CELSR2: variants seen among roughly 807,000 people sequenced by gnomAD.
CELSR2 encodes the protein cadherin EGF LAG seven-pass G-type receptor 2.
In CELSR2, 81 loss-of-function variants were observed where a neutral mutation model predicts 251.6. The observed-to-expected ratio is 0.32, with a 90% CI of 0.27 to 0.39. The LOEUF is 0.39. Ranked by LOEUF, CELSR2 falls within the 10% of genes least tolerant of loss-of-function variation. CELSR2 has a pLI of 1.00. For synonymous variants in CELSR2, 1,721 were observed against 1,670.5 expected (o/e 1.03, Z -0.74); for missense variants, 3,365 against 3,947.7 (o/e 0.85, Z 3.96).
chr1:109,271,484 A>T lies in CELSR2; in HGVS notation c.7775A>T (p.Tyr2592Phe). 1.9e-6 allele frequency: 3 copies of T among 1,613,548 alleles called. No homozygotes were observed. Among genetic ancestry groups the T allele is most frequent in the Non-Finnish European group, 2.5e-6 (3 of 1,179,856 alleles). The part of the protein sequence containing the change: ...SVNSDTLLFH[Y>F]LFATCNCIQG... Reference sequence around the variant, plus strand: ...AACAGCGACACCCTCCTCTTCCACTACCTCTTTGCTACCTGCAATTGCATC... The same window carrying T: ...AACAGCGACACCCTCCTCTTCCACTTCCTCTTTGCTACCTGCAATTGCATC... Residue 2592 changes from tyrosine to phenylalanine, a missense_variant, in exon 27 of 34, where the codon TAC (tyrosine) becomes TTC (phenylalanine). This residue lies in a region of CELSR2 where 2,093 missense variants were observed against 2,382.8 expected (regional missense o/e 0.88). Coordinates refer to ENST00000271332, the MANE Select transcript of CELSR2 (RefSeq NM_001408.3).
intron 2 of CELSR2, among the ~76,000 whole-genome samples, chr1:109,260,567 C>T (rs921721530): frequency 2.0e-5 from 3 of 152,170 alleles, no homozygotes; most frequent in African/African-American, 7.2e-5. Context: ...GGGACAAAAG[C>T]ACCAGTGGGA....
rs1656055376 is a variant in CELSR2 at position 109,262,788 on chromosome 1, C to T, written c.4545-18C>T. 2 of 1,606,144 alleles carry T rather than the reference C, an allele frequency of 1.2e-6. No homozygotes were observed. The highest frequency in any genetic ancestry group is 3.3e-5 in the Admixed American group (2 of 59,862). On this transcript the variant is annotated intron_variant, in intron 6 of 33. Coordinates refer to ENST00000271332, the MANE Select transcript of CELSR2 (RefSeq NM_001408.3). Reference sequence around the variant, plus strand: ...CTCCCAGCCCTCCCTTGTGCCGCCACCATCTTTGCTCCCCCAGGTCTCTGG... The same window carrying T: ...CTCCCAGCCCTCCCTTGTGCCGCCATCATCTTTGCTCCCCCAGGTCTCTGG...
chr1:109,262,477 A>G lies in CELSR2; in HGVS notation c.4544+33A>G, dbSNP rs1233982544. The G allele has an allele frequency of 8.1e-6, 13 of 1,606,750 alleles. No homozygotes were observed. The East Asian group carries it at 1.6e-4, about 19-fold the overall frequency. On this transcript the variant is annotated intron_variant, in intron 6 of 33. Coordinates refer to ENST00000271332, the MANE Select transcript of CELSR2 (RefSeq NM_001408.3). The stretch of plus-strand genomic sequence containing the variant: ...GGGGAAAGGGCCAGGGATGGGGTGA[A>G]GTGAGGGCAGGGCCAGGCAGGGAGG...
rs200881205 is a variant in CELSR2, at chr1:109,273,469, G to A, written c.8543G>A (p.Ser2848Asn). 4.3e-6 allele frequency: 7 copies of A among 1,612,476 alleles called. No homozygotes were observed. In the East Asian group the frequency reaches 1.3e-4, roughly 31 times the overall value. The change falls in exon 33 of 34, where the codon AGC (serine) becomes AAC (asparagine). Residue 2848 changes from serine to asparagine, a missense_variant. Ser to Asn is a conservative substitution (Grantham distance 46). Transcript: ENST00000271332. ...ILKKKCLPTISEKSSLLRLPL... is the reference protein window; with the variant it reads ...ILKKKCLPTINEKSSLLRLPL... ...AAGAAGAAGTGTCTGCCCACCATCA[G>A]CGAGAAGAGCAGCCTCCTGCGGCTC...
chr1:109,267,367 C>T (rs887372254), intron 15 of CELSR2, among the ~76,000 whole-genome samples, 181 bp from the exon 16 acceptor site: 1 of 152,206 alleles, frequency 6.6e-6, no homozygotes, highest in African/African-American at 2.4e-5. Context: ...GTGGACTGAT[C>T]TTGCGGAGAT....
intron 26 of CELSR2, 45 bp downstream of exon 26, chr1:109,271,341 A>C (rs763556112): frequency 5.6e-6 from 9 of 1,613,234 alleles, no homozygotes; most frequent in Non-Finnish European, 5.9e-6. Flanking sequence ...AGGCACCAGC[A>C]TGGGAGGTCT....
intron 1 of CELSR2, among the ~76,000 whole-genome samples, chr1:109,255,858 G>C (rs1655828657): frequency 6.6e-6 from 1 of 152,250 alleles, no homozygotes; most frequent in Non-Finnish European, 1.5e-5. Context: ...ACAGCAGAGG[G>C]GGCAGGTGGC....
intron 12 of CELSR2, 72 bp downstream of exon 12, chr1:109,265,081 C>T (rs1007327833): frequency 4.4e-6 from 7 of 1,601,602 alleles, no homozygotes; most frequent in Non-Finnish European, 6.0e-6. Flanking sequence ...CCTCAGAGCC[C>T]CGAAAGCCTG....
rs1293475626 is a variant in CELSR2 at position 109,249,573 on chromosome 1, G to T, written c.-507G>T. ...GCCCGCCCGCCGGGGAGGCGAGGGA[G>T]CGCGGGGCTGGGCCCGGGGCCGCGG... On this transcript the variant is annotated 5_prime_UTR_variant, in exon 1 of 34. Coordinates refer to ENST00000271332, the MANE Select transcript of CELSR2 (RefSeq NM_001408.3). Among the ~76,000 whole-genome samples the T allele has an allele frequency of 6.7e-6, 1 of 149,932 alleles. No homozygotes were observed. The highest frequency in any genetic ancestry group is 2.4e-5 in the African/African-American group (1 of 41,176).
Position 109,272,278 on chromosome 1 carries a change from T to C in CELSR2, c.7927T>C (p.Ser2643Pro). ...ALTTKSTLTS[S>P]YNCPSPYADG... ...ACTGACCTCTCTGTTCCCTGCCTAGTCCTACAACTGCCCCAGCCCCTACGC... is the reference window on the plus strand; with the variant it reads ...ACTGACCTCTCTGTTCCCTGCCTAGCCCTACAACTGCCCCAGCCCCTACGC... The change falls in exon 29 of 34, where the codon TCC becomes CCC. Residue 2643 changes from serine to proline, a missense_variant and splice_region_variant. Around this residue, in one of 5 missense-constraint regions of CELSR2, gnomAD observed 2,093 missense variants for 2,382.8 expected, o/e 0.88. Coordinates refer to ENST00000271332, the MANE Select transcript of CELSR2 (RefSeq NM_001408.3). 6.3e-7 allele frequency: 1 copy of C among 1,589,796 alleles called. No homozygotes were observed. Among genetic ancestry groups the C allele is most frequent in the East Asian group, 2.3e-5 (1 of 44,410 alleles).
Position 109,274,139 on chromosome 1 carries a change from G to C in CELSR2, c.*90G>C. 6.2e-7 allele frequency: 1 copy of C among 1,606,752 alleles called. No homozygotes were observed. On this transcript the variant is annotated 3_prime_UTR_variant, in exon 34 of 34. Coordinates refer to ENST00000271332, the MANE Select transcript of CELSR2 (RefSeq NM_001408.3). ...CCTGTCTTGTGCTTTATCCTGCCCC[G>C]CTCCCCATCGCCTGCCCGCAGCAGC... is the stretch of plus-strand genomic sequence containing the variant.
chr1:109,253,208 G>T lies in CELSR2; in HGVS notation c.3129G>T (p.Gly1043=), dbSNP rs568570990. 1 of 1,613,438 alleles carries T rather than the reference G, an allele frequency of 6.2e-7. No homozygotes were observed. Among genetic ancestry groups the T allele is most frequent in the African/African-American group, 1.3e-5 (1 of 74,946 alleles). Residue 1043 remains glycine (G), a synonymous_variant, in exon 1 of 34, where the codon GGG becomes GGT. Coordinates refer to ENST00000271332, the MANE Select transcript of CELSR2 (RefSeq NM_001408.3). ...CCAATCGCTCAAGCAGCTTCCCTGG[G>T]GGTGCCATTGGCCGAGTACCTGCCC... The part of the protein sequence containing the change: ...YVTNRSSSFP[G]GAIGRVPAHD...
chr1:109,262,749 C>G (rs982029405), intron 6 of CELSR2, 57 bp from the exon 7 acceptor site: 7 of 1,586,740 alleles, frequency 4.4e-6, no homozygotes, highest in Non-Finnish European at 6.0e-6. Flanking sequence ...GCAGAGCGAG[C>G]GGAGGACCAG....
rs147671089 is a variant in CELSR2 at position 109,269,133 on chromosome 1, G to A, written c.6655G>A (p.Ala2219Thr). 3.7e-5 allele frequency: 59 copies of A among 1,605,948 alleles called. No individual in the cohort carries two copies. Among genetic ancestry groups the A allele is most frequent in the Non-Finnish European group, 3.3e-5 (39 of 1,176,396 alleles). Residue 2219 changes from alanine to threonine, a missense_variant, in exon 20 of 34, where the codon GCA becomes ACA. By Grantham distance (58) the Ala-to-Thr change is moderately conservative. This residue lies in a region of CELSR2 where 2,093 missense variants were observed against 2,382.8 expected (regional missense o/e 0.88). Coordinates refer to ENST00000271332, the MANE Select transcript of CELSR2 (RefSeq NM_001408.3). The surrounding 1 kb of genome is among the most constrained non-coding windows in gnomAD (Gnocchi z 6.4). Reference protein sequence around the residue: ...FRETPPVVRPAGPGEAQEPEE... With the variant: ...FRETPPVVRPTGPGEAQEPEE... Reference sequence around the variant, plus strand: ...AGAGACGCCCCCCGTGGTCAGGCCCGCAGGCCCCGGAGAGGCCCAGGAGCC... The same window carrying A: ...AGAGACGCCCCCCGTGGTCAGGCCCACAGGCCCCGGAGAGGCCCAGGAGCC...
In CELSR2 at chr1:109,253,320, G is replaced by GAGCTGAAGCTA; in HGVS notation, c.3245_3255dup (p.Arg1086Ter). 1 of 1,613,468 alleles carries GAGCTGAAGCTA rather than the reference G, an allele frequency of 6.2e-7. No individual in the cohort carries two copies. Among genetic ancestry groups the GAGCTGAAGCTA allele is most frequent in the Non-Finnish European group, 8.5e-7 (1 of 1,180,038 alleles). The stretch of plus-strand genomic sequence containing the variant: ...GGTCCTGCTCAATGCCTCCACGGGT[G>GAGCTGAAGCTA]AGCTGAAGCTAAGCCGCGCACTGGA... On this transcript the variant is annotated frameshift_variant, in exon 1 of 34. Coordinates refer to ENST00000271332, the MANE Select transcript of CELSR2 (RefSeq NM_001408.3). LOFTEE classifies it high-confidence loss of function.
intron 1 of CELSR2, among the ~76,000 whole-genome samples, chr1:109,256,927 G>A (rs1655863943): frequency 6.6e-6 from 1 of 151,972 alleles, no homozygotes; most frequent in African/African-American, 2.4e-5. Context: ...CAAAGTTCTG[G>A]GACTACAGGC....
In CELSR2 at chr1:109,252,847, A is replaced by G. The variant is rs368556615; in HGVS notation, c.2768A>G (p.Gln923Arg). Reference sequence around the variant, plus strand: ...AATGACAATCCCCCTGTCTTTGAGCAGGATGAGTTTGATGTGTTTGTGGAA... The same window carrying G: ...AATGACAATCCCCCTGTCTTTGAGCGGGATGAGTTTGATGTGTTTGTGGAA... ...DVNDNPPVFEQDEFDVFVEEN... is the reference protein window; with the variant it reads ...DVNDNPPVFERDEFDVFVEEN... The change falls in exon 1 of 34, where the codon CAG becomes CGG. Residue 923 changes from glutamine (Q) to arginine (R), a missense_variant. By Grantham distance (43) the Gln-to-Arg change is conservative. Around this residue, in one of 5 missense-constraint regions of CELSR2, gnomAD observed 505 missense variants for 660.0 expected, o/e 0.77. Coordinates refer to ENST00000271332, the MANE Select transcript of CELSR2 (RefSeq NM_001408.3). The surrounding 1 kb of genome is among the most constrained non-coding windows in gnomAD (Gnocchi z 4.8). The G allele has an allele frequency of 1.9e-6, 3 of 1,613,892 alleles. No individual in the cohort carries two copies. Among genetic ancestry groups the G allele is most frequent in the Non-Finnish European group, 8.5e-7 (1 of 1,179,922 alleles).
rs780688952 is a variant in CELSR2, at chr1:109,270,532, G to A, written c.7415G>A (p.Arg2472His). 37 of 1,614,034 alleles carry A rather than the reference G, an allele frequency of 2.3e-5. No individual in the cohort carries two copies. The South Asian group carries it at 3.5e-4, about 15-fold the overall frequency. The change falls in exon 24 of 34, where the codon CGC becomes CAC. Residue 2472 changes from arginine (R) to histidine (H), a missense_variant. Transcript: ENST00000271332. ...LHLYRALTEV[R>H]DVNTGPMRFY... ...CTGTACCGGGCACTCACTGAGGTGC[G>A]CGATGTCAACACCGGCCCCATGCGC...
Position 109,271,000 on chromosome 1 carries a change from C to G in CELSR2, c.7557C>G (p.Leu2519=), listed in dbSNP as rs1486677002. The change falls in exon 25 of 34, where the codon CTC becomes CTG. Residue 2519 remains leucine (L), a synonymous_variant. Coordinates refer to ENST00000271332, the MANE Select transcript of CELSR2 (RefSeq NM_001408.3). ...DFCWLSIYDT[L]IWSFAGPVAF... is the part of the protein sequence containing the mutation. ...GCTGGCTCTCCATCTATGACACGCT[C>G]ATCTGGAGTTTTGCTGGCCCGGTGG... The G allele has an allele frequency of 6.2e-7, 1 of 1,613,988 alleles. No homozygotes were observed. The highest frequency in any genetic ancestry group is 1.7e-5 in the Admixed American group (1 of 60,018).
Sources: gnomAD v4.1 joint callset for allele counts (sites outside exome capture counted in the v4.1 genomes callset) on GRCh38, gnomAD v4.1.1 for gene constraint, gnomAD v4.1.1 regional missense constraint, Gnocchi (gnomAD v3.1) non-coding constraint, MANE v1.5 for transcripts, NCBI Gene and HGNC (gene_info 2026-07-23, HGNC 2026-07-21) for gene names.